Variants in COG6 observed in about 807,000 individuals in gnomAD.
COG6 encodes conserved oligomeric Golgi complex subunit 6.
In COG6, 74 loss-of-function variants were observed where a neutral mutation model predicts 88.8. That is an observed-to-expected ratio of 0.83 (90% CI 0.69 to 1.01). COG6 has a LOEUF of 1.01. Ranked by LOEUF, COG6 falls within the 50% of genes least tolerant of loss-of-function variation. The pLI is 0.00. For synonymous variants in COG6, 286 were observed against 278.7 expected (o/e 1.03, Z -0.26); for missense variants, 800 against 797.9 (o/e 1.00, Z -0.03).
chr13:39,730,113 A>G (rs1357061538), intron 18 of COG6, among the ~76,000 whole-genome samples: 6 of 152,140 alleles, frequency 3.9e-5, no homozygotes, highest in African/African-American at 1.4e-4. Context: ...CAAATGAACA[A>G]GTTTTGGTAC....
chr13:39,682,242 C>A lies in COG6; in HGVS notation c.766C>A (p.Gln256Lys), dbSNP rs138597241. ...PVLTQAMEAL[Q>K]DRPVLYKYTL... is the part of the protein sequence containing the mutation. The stretch of plus-strand genomic sequence containing the variant: ...ATTGACACAGGCAATGGAAGCCCTG[C>A]AGGACAGACCTGTCTTATATAAGTT... Residue 256 changes from glutamine (Q) to lysine (K), a missense_variant, in exon 8 of 19, where the codon CAG (glutamine) becomes AAG (lysine). Transcript: ENST00000455146. The A allele has an allele frequency of 1.4e-5, 22 of 1,609,028 alleles. No homozygotes were observed. The highest frequency in any genetic ancestry group is 6.0e-6 in the Non-Finnish European group (7 of 1,175,516).
intron 16 of COG6, among the ~76,000 whole-genome samples, chr13:39,724,206 C>T (rs912716134): frequency 9.9e-5 from 15 of 152,106 alleles, no homozygotes; most frequent in African/African-American, 3.6e-4. Context: ...CTGTTCAAGC[C>T]TCCATGTGTC....
At chr13:39,739,241 A>C (rs1879921830) in intron 18 of COG6, among the ~76,000 whole-genome samples, 1 of 152,106 alleles carries the variant, frequency 6.6e-6, no homozygotes, top group African/African-American at 2.4e-5. Context: ...TTCTTTATAA[A>C]TTCCAAGCTA....
chr13:39,782,404 CAA>C (rs1381528675), intron 18 of COG6, among the ~76,000 whole-genome samples: 1 of 152,208 alleles, frequency 6.6e-6, no homozygotes, highest in African/African-American at 2.4e-5. Context: ...GGGCAATCAG[CAA>C]AAGAGTTTAA....
intron 18 of COG6, among the ~76,000 whole-genome samples, chr13:39,785,248 G>T (rs573493925): frequency 3.5e-4 from 54 of 152,280 alleles, no homozygotes; most frequent in African/African-American, 1.3e-3. Flanking sequence ...TAAACTCCTT[G>T]GCATTCTGGG....
chr13:39,757,129 A>G (rs540257973), downstream of COG6, among the ~76,000 whole-genome samples: 3 of 152,362 alleles, frequency 2.0e-5, no homozygotes, highest in African/African-American at 7.2e-5. Context: ...TTGAAATTAT[A>G]CAAAGTATGT....
chr13:39,745,375 G>T (rs1316468206), intron 18 of COG6, among the ~76,000 whole-genome samples: 1 of 151,976 alleles, frequency 6.6e-6, no homozygotes, highest in East Asian at 1.9e-4. Context: ...AATCTACAAA[G>T]AACTTAAACA....
rs533990613 is a variant in COG6, at chr13:39,713,664, A to G, written c.1285-5572A>G. On this transcript the variant is annotated intron_variant, in intron 13 of 18. Coordinates refer to ENST00000455146, the MANE Select transcript of COG6 (RefSeq NM_020751.3). ...GGCAGGAGAATGGCATGAACCTGGG[A>G]GGTGGAGCTTGCAGTGAGCCGAGAT... 3.9e-5 allele frequency among the ~76,000 whole-genome samples: 6 copies of G among 152,242 alleles called. No individual in the cohort carries two copies. In the South Asian group the frequency reaches 1.2e-3, roughly 32 times the overall value.
chr13:39,672,660 G>A (rs1052834242), intron 4 of COG6, among the ~76,000 whole-genome samples: 5 of 151,962 alleles, frequency 3.3e-5, no homozygotes, highest in Non-Finnish European at 5.9e-5. Context: ...ATAGACATTT[G>A]GGTTATTTCC....
chr13:39,744,626 A>G (rs1279291244), intron 18 of COG6, among the ~76,000 whole-genome samples: 1 of 152,250 alleles, frequency 6.6e-6, no homozygotes, highest in African/African-American at 2.4e-5. Flanking sequence ...AAATGGAAGA[A>G]CATTTCATGC....
chr13:39,784,487 A>G (rs1052067268), intron 18 of COG6, among the ~76,000 whole-genome samples: 12 of 152,200 alleles, frequency 7.9e-5, no homozygotes, highest in African/African-American at 2.7e-4. Flanking sequence ...AGTCAACAAG[A>G]CCTGAAGTTC....
At position 39,690,365 on chromosome 13, in the gene COG6, T is replaced by C. The variant is rs1876912289; in HGVS notation, c.1074+541T>C. On this transcript the variant is annotated intron_variant, in intron 11 of 18. Coordinates refer to ENST00000455146, the MANE Select transcript of COG6 (RefSeq NM_020751.3). ...ACTTATTGCATCCGCTTAACTCTTC[T>C]GCACCTGAATTATGCTCTGGTGGGA... Among the ~76,000 whole-genome samples the C allele has an allele frequency of 1.3e-5, 2 of 152,170 alleles. 1 individual carries two copies. Among genetic ancestry groups the C allele is most frequent in the South Asian group, 4.1e-4 (2 of 4,828 alleles).
At chr13:39,684,932 A>G (rs1471598235) in intron 8 of COG6, among the ~76,000 whole-genome samples, 1 of 152,202 alleles carries the variant, frequency 6.6e-6, no homozygotes, top group Non-Finnish European at 1.5e-5. Flanking sequence ...ATCATGTACA[A>G]TTATAAATGA....
downstream of COG6, among the ~76,000 whole-genome samples, chr13:39,756,400 C>T (rs552231238): frequency 2.0e-5 from 3 of 152,046 alleles, no homozygotes; most frequent in African/African-American, 7.2e-5. Flanking sequence ...GCCTGTGGAG[C>T]ACCGTCAACA....
Position 39,745,867 on chromosome 13 carries a change from A to T in COG6, c.1827-5079A>T, listed in dbSNP as rs1286360106. The stretch of plus-strand genomic sequence containing the variant: ...ATCAATGATAGACTGGATTAAGAAA[A>T]TGTGGCACATATACACCATAGAATA... On this transcript the variant is annotated intron_variant, in intron 18 of 18. Transcript: ENST00000455146. Among the ~76,000 whole-genome samples the T allele has an allele frequency of 2.6e-5, 4 of 152,196 alleles. No homozygotes were observed. The East Asian group carries it at 7.7e-4, about 29-fold the overall frequency.
chr13:39,721,525 C>T (rs1878849717), intron 15 of COG6, among the ~76,000 whole-genome samples: 1 of 152,026 alleles, frequency 6.6e-6, no homozygotes, highest in Non-Finnish European at 1.5e-5. Flanking sequence ...AGTGGGTATT[C>T]CAAGTGGACA....
At chr13:39,747,487 G>A (rs1027630902) in intron 18 of COG6, among the ~76,000 whole-genome samples, 1 of 151,614 alleles carries the variant, frequency 6.6e-6, no homozygotes, top group African/African-American at 2.4e-5. Flanking sequence ...TTTATCCAGC[G>A]GCTTTGCTTT....
chr13:39,724,600 A>T lies in COG6; in HGVS notation c.1746+39A>T, dbSNP rs201837092. 41 of 1,422,766 alleles carry T rather than the reference A, an allele frequency of 2.9e-5. No individual in the cohort carries two copies. The Admixed American group carries it at 4.6e-4, about 16-fold the overall frequency. The allele number at this position is 1,422,766 out of a possible 1,614,324, so 88.1% of individuals were successfully genotyped here. On this transcript the variant is annotated intron_variant, in intron 17 of 18. Coordinates refer to ENST00000455146, the MANE Select transcript of COG6 (RefSeq NM_020751.3). ...AAAACATTTTAATTTAGATTTCCTT[A>T]TGGATCGATAGTCTTCATTTTTTGC... is the stretch of plus-strand genomic sequence containing the variant.
intron 18 of COG6, among the ~76,000 whole-genome samples, chr13:39,760,421 A>T (rs1880975074): frequency 6.6e-6 from 1 of 152,158 alleles, no homozygotes; most frequent in African/African-American, 2.4e-5. Flanking sequence ...ATTCTTTTAC[A>T]GACAAAGATA....
Sources: allele counts gnomAD v4.1 joint callset (sites outside exome capture counted in the v4.1 genomes callset), GRCh38; gene constraint gnomAD v4.1.1; transcripts MANE v1.5; gene names NCBI Gene and HGNC (gene_info 2026-07-23, HGNC 2026-07-21).